MYH11: variants seen among roughly 807,000 people sequenced by gnomAD.
MYH11 encodes the protein myosin-11.
Under a neutral mutation model 246.6 loss-of-function variants are expected in MYH11, and 80 were observed. That is an observed-to-expected ratio of 0.32 (90% CI 0.27 to 0.39). The LOEUF (loss-of-function observed/expected upper bound fraction) is 0.39. MYH11 is among the 10% of genes least tolerant of loss of function. The pLI is 1.00. For missense variants in MYH11, 2,158 were observed against 2,546.8 expected (o/e 0.85, Z 3.29); for synonymous variants, 1,071 against 1,015.5 (o/e 1.05, Z -1.04).
In MYH11 at chr16:15,839,237, T is replaced by C. The variant is rs542401575; in HGVS notation, c.-17-968A>G. Among the ~76,000 whole-genome samples the C allele has an allele frequency of 6.6e-5, 10 of 151,810 alleles. No homozygotes were observed. The South Asian group carries it at 1.7e-3, about 25-fold the overall frequency. Reference sequence around the variant, plus strand: ...AAACAAACAAACAACCCAAGGTATATAACTGGAAACTCAGTAAAAGGAAAG... The same window carrying C: ...AAACAAACAAACAACCCAAGGTATACAACTGGAAACTCAGTAAAAGGAAAG... On this transcript the variant is annotated intron_variant, in intron 1 of 40. Coordinates refer to ENST00000300036, the MANE Select transcript of MYH11 (RefSeq NM_002474.3).
intron 3 of MYH11, among the ~76,000 whole-genome samples, chr16:15,817,520 G>GA (rs1045402006): frequency 7.3e-6 from 1 of 136,396 alleles, no homozygotes; most frequent in African/African-American, 3.7e-5. Context: ...CAAAAAAAAA[G>GA]GGGGGGAGAA....
At chr16:15,708,404 C>A (rs967365746) in intron 40 of MYH11, among the ~76,000 whole-genome samples, 1 of 152,196 alleles carries the variant, frequency 6.6e-6, no homozygotes, top group African/African-American at 2.4e-5. Context: ...CATATTCATT[C>A]AGTGCAGTGT....
rs1175105709 is a variant in MYH11, at chr16:15,721,006, C to T, written c.4624G>A (p.Glu1542Lys). The change falls in exon 33 of 41, where the codon GAG (glutamate) becomes AAG (lysine). Residue 1542 changes from glutamate to lysine, a missense_variant. By Grantham distance (56) the Glu-to-Lys change is moderately conservative. Coordinates refer to ENST00000300036, the MANE Select transcript of MYH11 (RefSeq NM_002474.3). ...TCTTCCAGCTGCGTCTTCATCTCCTCCATCTGGGTCTCCAGGGCCCGCTTG... is the reference window on the plus strand; with the variant it reads ...TCTTCCAGCTGCGTCTTCATCTCCTTCATCTGGGTCTCCAGGGCCCGCTTG... ...KSKRALETQM[E>K]EMKTQLEELE... is the part of the protein sequence containing the mutation. 1 of 1,614,120 alleles carries T rather than the reference C, an allele frequency of 6.2e-7. No homozygotes were observed. The highest frequency in any genetic ancestry group is 2.2e-5 in the East Asian group (1 of 44,876).
intron 38 of MYH11, among the ~76,000 whole-genome samples, 154 bp from the exon 39 acceptor site, chr16:15,715,426 T>C (rs147415093): frequency 2.0e-3 from 310 of 152,196 alleles, no homozygotes; most frequent in African/African-American, 7.3e-3. Flanking sequence ...TATTCAGCCA[T>C]GAAAAGGAAT....
chr16:15,744,213 C>T (rs1352541546), intron 20 of MYH11, among the ~76,000 whole-genome samples: 3 of 151,242 alleles, frequency 2.0e-5, no homozygotes, highest in African/African-American at 4.9e-5. Flanking sequence ...TTTTTTGAGA[C>T]GGAGTCTCGC....
rs936519550 is a variant in MYH11 at position 15,802,946 on chromosome 16, G to A, written c.503-4259C>T. ...GAGGTCAGGAGTTCGAGACCAGCCT[G>A]GGCAACATGGTGAAACCCATCTCTA... On this transcript the variant is annotated intron_variant, in intron 3 of 40. Coordinates refer to ENST00000300036, the MANE Select transcript of MYH11 (RefSeq NM_002474.3). Among the ~76,000 whole-genome samples the A allele has an allele frequency of 5.9e-5, 9 of 152,166 alleles. No homozygotes were observed. The South Asian group carries it at 1.9e-3, about 32-fold the overall frequency.
chr16:15,778,890 C>G (rs756968950), intron 6 of MYH11, 47 bp from the exon 7 acceptor site: 2 of 1,587,086 alleles, frequency 1.3e-6, no homozygotes, highest in Non-Finnish European at 1.7e-6. Context: ...CAACTTCAGC[C>G]GTTAACCCCA....
intron 4 of MYH11, among the ~76,000 whole-genome samples, chr16:15,789,624 T>C (rs72772068): frequency 0.07 from 10,681 of 152,224 alleles, 461 homozygotes; most frequent in African/African-American, 0.1. Flanking sequence ...CCACTGGAAT[T>C]CTGCCATATA....
At chr16:15,709,814 G>A (rs2039676674) in intron 40 of MYH11, among the ~76,000 whole-genome samples, 1 of 152,176 alleles carries the variant, frequency 6.6e-6, no homozygotes, top group Non-Finnish European at 1.5e-5. Flanking sequence ...ATGATTACTT[G>A]CTCTTCATTA....
At chr16:15,853,590 G>A (rs557189913) in intron 1 of MYH11, among the ~76,000 whole-genome samples, 5 of 152,256 alleles carry the variant, frequency 3.3e-5, no homozygotes, top group Admixed American at 2.6e-4. Flanking sequence ...CACATACAAG[G>A]TTTCTTTCAA....
intron 31 of MYH11, among the ~76,000 whole-genome samples, chr16:15,722,543 T>C (rs1382258558): frequency 6.6e-6 from 1 of 152,168 alleles, no homozygotes; most frequent in Non-Finnish European, 1.5e-5. Flanking sequence ...CTACACTCTA[T>C]GTGACAGGAA....
At chr16:15,753,706 A>C (rs1454233664) in intron 14 of MYH11, among the ~76,000 whole-genome samples, 198 bp from the exon 15 acceptor site, 1 of 152,146 alleles carries the variant, frequency 6.6e-6, no homozygotes, top group African/African-American at 2.4e-5. Context: ...ACGTAGTAGG[A>C]CATCAGCCAG....
chr16:15,728,649 C>T (rs996443098), intron 27 of MYH11, among the ~76,000 whole-genome samples: 1 of 152,054 alleles, frequency 6.6e-6, no homozygotes, highest in Non-Finnish European at 1.5e-5. Context: ...CCTAGAATCC[C>T]AGCACTTTGG....
rs2041525610 is a variant in MYH11 at position 15,750,124 on chromosome 16, G to A, written c.2058+14C>T. 1 of 1,614,020 alleles carries A rather than the reference G, an allele frequency of 6.2e-7. No individual in the cohort carries two copies. Among genetic ancestry groups the A allele is most frequent in the Non-Finnish European group, 8.5e-7 (1 of 1,179,956 alleles). The stretch of plus-strand genomic sequence containing the variant: ...GGCTTCTGGGAGCCCCAGGGTCTGG[G>A]CGGCGGGCCTCACCCTCTTCTCGTG... On this transcript the variant is annotated intron_variant, in intron 16 of 40. Coordinates refer to ENST00000300036, the MANE Select transcript of MYH11 (RefSeq NM_002474.3). The surrounding 1 kb of genome is among the most constrained non-coding windows in gnomAD (Gnocchi z 4.3).
chr16:15,856,390 C>A (rs1444932365), intron 1 of MYH11, among the ~76,000 whole-genome samples: 3 of 150,668 alleles, frequency 2.0e-5, no homozygotes, highest in African/African-American at 7.3e-5. Context: ...GTGTTTTTAA[C>A]TGATTTAATG....
At chr16:15,712,214 A>T (rs542504531) in intron 40 of MYH11, among the ~76,000 whole-genome samples, 1 of 152,280 alleles carries the variant, frequency 6.6e-6, no homozygotes, top group Admixed American at 6.5e-5. Flanking sequence ...CCTATTAGAC[A>T]TCCATGTGGG....
At chr16:15,807,827 C>A (rs1431062012) in intron 3 of MYH11, among the ~76,000 whole-genome samples, 1 of 152,200 alleles carries the variant, frequency 6.6e-6, no homozygotes, top group Non-Finnish European at 1.5e-5. Flanking sequence ...AGCGGTTCCT[C>A]CCCCGCTGTG....
chr16:15,734,448 C>T (rs1481919304), intron 26 of MYH11, among the ~76,000 whole-genome samples: 5 of 152,120 alleles, frequency 3.3e-5, no homozygotes, highest in South Asian at 2.1e-4. Context: ...TACAGGCATG[C>T]GCCACCACGC....
intron 36 of MYH11, 175 bp from the exon 37 acceptor site, chr16:15,718,613 G>A (rs1426712673): frequency 1.0e-6 from 1 of 989,480 alleles, no homozygotes; most frequent in East Asian, 2.6e-5. Flanking sequence ...GGACAGCCGG[G>A]ACTCAGGCCG....
Sources: allele counts gnomAD v4.1 joint callset (sites outside exome capture counted in the v4.1 genomes callset), GRCh38; gene constraint gnomAD v4.1.1; non-coding constraint Gnocchi (gnomAD v3.1); transcripts MANE v1.5; gene names NCBI Gene and HGNC (gene_info 2026-07-23, HGNC 2026-07-21).